The following SMARCC2 variants were observed in gnomAD, a reference collection of about 807,000 sequenced individuals.
The protein encoded by SMARCC2 is SWI/SNF related BAF chromatin remodeling complex subunit C2, also known as SWI/SNF complex subunit SMARCC2.
In SMARCC2, 15 loss-of-function variants were observed where a neutral mutation model predicts 151.3. The ratio of observed to expected loss-of-function variants is 0.10; its 90% CI spans 0.07 to 0.15. SMARCC2 has a LOEUF of 0.15. Ranked by LOEUF, SMARCC2 falls within the 10% of genes least tolerant of loss-of-function variation. SMARCC2 has a pLI of 1.00. For missense variants in SMARCC2, 1,031 were observed against 1,599.7 expected (o/e 0.64, Z 6.06); for synonymous variants, 590 against 609.5 (o/e 0.97, Z 0.47).
At position 56,169,630 on chromosome 12, in the gene SMARCC2, A is replaced by C. The variant is rs375388491; in HGVS notation, c.2614T>G (p.Ser872Ala). Residue 872 changes from serine to alanine, a missense_variant, in exon 25 of 29, where the codon TCT (serine) becomes GCT (alanine). This residue lies in a region of SMARCC2 where 119 missense variants were observed against 184.2 expected (regional missense o/e 0.65). Transcript: ENST00000550164. ...ACCTTTGTCTTCCTTTCCCCCTCAGACTCCACCACTTCCTTCAGCACTTCC... is the reference window on the plus strand; with the variant it reads ...ACCTTTGTCTTCCTTTCCCCCTCAGCCTCCACCACTTCCTTCAGCACTTCC... The part of the protein sequence containing the change: ...QEEVLKEVVE[S>A]EGERKTKVER... The C allele has an allele frequency of 1.9e-6, 3 of 1,613,414 alleles. No homozygotes were observed. Among genetic ancestry groups the C allele is most frequent in the Non-Finnish European group, 2.5e-6 (3 of 1,179,756 alleles).
chr12:56,169,139 C>A (rs1322141132), intron 25 of SMARCC2, among the ~76,000 whole-genome samples: 3 of 151,510 alleles, frequency 2.0e-5, no homozygotes, highest in Admixed American at 1.3e-4. Flanking sequence ...ACTAAAAATA[C>A]AAAGAGTTAG....
intron 11 of SMARCC2, 41 bp from the exon 12 acceptor site, chr12:56,179,097 T>C (rs1875614674): frequency 3.8e-6 from 6 of 1,574,758 alleles, no homozygotes; most frequent in Non-Finnish European, 5.2e-6. Context: ...AGATTTTGCC[T>C]AATTCAAGCC....
rs754104892 is a variant in SMARCC2, at chr12:56,186,112, T to C, written c.317+43A>G. ...TCCCAGGGAATCAAAAAGGGGGATTTCCTCTAAACTAAATATAAGAAGAAT... is the reference window on the plus strand; with the variant it reads ...TCCCAGGGAATCAAAAAGGGGGATTCCCTCTAAACTAAATATAAGAAGAAT... On this transcript the variant is annotated intron_variant, in intron 3 of 28. Coordinates refer to ENST00000550164, the MANE Select transcript of SMARCC2 (RefSeq NM_001330288.2). 5 of 1,320,244 alleles carry C rather than the reference T, an allele frequency of 3.8e-6. No individual in the cohort carries two copies. The Admixed American group carries it at 5.3e-5, about 14-fold the overall frequency. The allele number at this position is 1,320,244 out of a possible 1,614,324, so 81.8% of individuals were successfully genotyped here.
rs1423345087 is a variant in SMARCC2, at chr12:56,170,333, G to C, written c.2348-125C>G. The stretch of plus-strand genomic sequence containing the variant: ...TGCCCAGGTTGGTCTCAAACTCCTG[G>C]GCCCACGCAATCCTCCCACCTCAGC... On this transcript the variant is annotated intron_variant, in intron 22 of 28. Transcript: ENST00000550164. 6 of 790,914 alleles carry C rather than the reference G, an allele frequency of 7.6e-6. No homozygotes were observed. The East Asian group carries it at 1.6e-4, about 21-fold the overall frequency. 49.0% of individuals were successfully genotyped at this position (790,914 alleles called of 1,614,324 possible).
chr12:56,163,783 A>G lies in SMARCC2; in HGVS notation c.3662-18T>C, dbSNP rs773065460. 6.7e-7 allele frequency: 1 copy of G among 1,499,096 alleles called. No individual in the cohort carries two copies. Among genetic ancestry groups the G allele is most frequent in the East Asian group, 2.7e-5 (1 of 37,402 alleles). 92.9% of individuals were successfully genotyped at this position (1,499,096 alleles called of 1,614,324 possible). A position where few individuals can be genotyped will look rare whatever the true frequency, so the allele number is the denominator to read the frequency against. On this transcript the variant is annotated intron_variant, in intron 28 of 28. Transcript: ENST00000550164. Reference sequence around the variant, plus strand: ...GCCTGGGTCTGTGGAGAAAAGGAAGATAAATCAGTTAGAGTACGCCGGAGA... The same window carrying G: ...GCCTGGGTCTGTGGAGAAAAGGAAGGTAAATCAGTTAGAGTACGCCGGAGA...
rs948206562 is a variant in SMARCC2 at position 56,165,450 on chromosome 12, G to A, written c.3100C>T (p.Pro1034Ser). 1 of 1,536,076 alleles carries A rather than the reference G, an allele frequency of 6.5e-7. No individual in the cohort carries two copies. The highest frequency in any genetic ancestry group is 8.8e-7 in the Non-Finnish European group (1 of 1,142,306). Reference protein sequence around the residue: ...VVPAPAGSGAPPGSLGPSEQI... With the variant: ...VVPAPAGSGASPGSLGPSEQI... Reference sequence around the variant, plus strand: ...TCAGAAGGGCCCAAACTTCCTGGAGGGGCCCCACTGCCAGCAGGAGCAGGG... The same window carrying A: ...TCAGAAGGGCCCAAACTTCCTGGAGAGGCCCCACTGCCAGCAGGAGCAGGG... The change falls in exon 27 of 29, where the codon CCT becomes TCT. Residue 1034 changes from proline (P) to serine (S), a missense_variant. By Grantham distance (74) the Pro-to-Ser change is moderately conservative. Coordinates refer to ENST00000550164, the MANE Select transcript of SMARCC2 (RefSeq NM_001330288.2).
chr12:56,177,971 G>A, intron 15 of SMARCC2, 51 bp downstream of exon 15: 1 of 1,220,270 alleles, frequency 8.2e-7, no homozygotes, highest in Non-Finnish European at 1.2e-6. Flanking sequence ...CAGGAAGGGT[G>A]AATGTGGGGA....
chr12:56,182,496 T>C (rs565584723), intron 7 of SMARCC2, among the ~76,000 whole-genome samples: 2 of 151,914 alleles, frequency 1.3e-5, no homozygotes, highest in East Asian at 3.9e-4. Context: ...GGCTAATTTT[T>C]ATATTTTTAG....
intron 1 of SMARCC2, among the ~76,000 whole-genome samples, chr12:56,187,682 G>A (rs1034384522): frequency 1.7e-4 from 26 of 152,168 alleles, no homozygotes; most frequent in African/African-American, 5.8e-4. Context: ...AATACCTCTG[G>A]GGCTCTAAGA....
intron 5 of SMARCC2, 39 bp from the exon 6 acceptor site, chr12:56,184,283 C>T: frequency 6.9e-7 from 1 of 1,449,516 alleles, no homozygotes; most frequent in Non-Finnish European, 9.6e-7. Context: ...TTATGGTCCC[C>T]TCTGAATTAC....
intron 27 of SMARCC2, among the ~76,000 whole-genome samples, 169 bp downstream of exon 27, chr12:56,165,149 G>C (rs948945834): frequency 6.6e-6 from 1 of 152,208 alleles, no homozygotes; most frequent in Non-Finnish European, 1.5e-5. Context: ...CAAAGCTCTC[G>C]AGTTTGGGGA....
chr12:56,179,679 C>T (rs1875736000), intron 11 of SMARCC2, among the ~76,000 whole-genome samples: 1 of 152,214 alleles, frequency 6.6e-6, no homozygotes, highest in Non-Finnish European at 1.5e-5. Context: ...CAGAACTTCT[C>T]TTCATGTTTT....
At chr12:56,173,523 G>A (rs1009747431) in intron 17 of SMARCC2, among the ~76,000 whole-genome samples, 173 bp downstream of exon 17, 1 of 152,116 alleles carries the variant, frequency 6.6e-6, no homozygotes, top group Non-Finnish European at 1.5e-5. Context: ...AGGTACAAAG[G>A]CTGAGAGAGG....
intron 3 of SMARCC2, 64 bp from the exon 4 acceptor site, chr12:56,185,175 G>T: frequency 7.3e-7 from 1 of 1,363,238 alleles, no homozygotes; most frequent in Non-Finnish European, 1.0e-6. Context: ...GTGAGGGCAC[G>T]TGACTTTTTT....
At position 56,163,667 on chromosome 12, in the gene SMARCC2, G is replaced by A. The variant is rs542415980; in HGVS notation, c.*22C>T. The A allele has an allele frequency of 2.8e-6, 4 of 1,438,930 alleles. 1 individual carries two copies. The highest frequency in any genetic ancestry group is 3.0e-5 in the African/African-American group (2 of 67,020). 89.1% of individuals were successfully genotyped at this position (1,438,930 alleles called of 1,614,324 possible). On this transcript the variant is annotated 3_prime_UTR_variant, in exon 29 of 29. Transcript: ENST00000550164. ...CCGTGATGTCCACAGGGGGTGAGGG[G>A]GAGAGATGTCTGGCTGGCTCCTCAC...
rs1349743676 is a variant in SMARCC2 at position 56,169,650 on chromosome 12, ACTTCCTCCTGCC to A, written c.2582_2593del (p.Gly861_Glu864del). 1 of 1,614,056 alleles carries A rather than the reference ACTTCCTCCTGCC, an allele frequency of 6.2e-7. No homozygotes were observed. The highest frequency in any genetic ancestry group is 1.1e-5 in the South Asian group (1 of 91,074). ...CTCAGACTCCACCACTTCCTTCAGC[ACTTCCTCCTGCC>A]CTTCCTTTGGCTCCTTCTCCTTCTC... On this transcript the variant is annotated inframe_deletion, in exon 25 of 29. Transcript: ENST00000550164.
Position 56,180,973 on chromosome 12 carries a change from G to A in SMARCC2, c.1081+4C>T, listed in dbSNP as rs2135731162. On this transcript the variant is annotated splice_donor_region_variant and intron_variant, in intron 11 of 28. Transcript: ENST00000550164. ...GGATCCCAGGAGCTCAGCCTGGCCT[G>A]TACCTGTTTTGGGAAGTGTCACCTC... 7 of 1,611,856 alleles carry A rather than the reference G, an allele frequency of 4.3e-6. No homozygotes were observed. Among genetic ancestry groups the A allele is most frequent in the African/African-American group, 1.3e-5 (1 of 74,968 alleles).
rs1313517927 is a variant in SMARCC2 at position 56,173,706 on chromosome 12, T to C, written c.1640A>G (p.Lys547Arg). ...TPSGLVPLQP[K>R]TPQGRQVDAD... Reference sequence around the variant, plus strand: ...AGCACCTCACCCTACCTGAGGTGTCTTGGGCTGCAGAGGCACCAGCCCTGA... The same window carrying C: ...AGCACCTCACCCTACCTGAGGTGTCCTGGGCTGCAGAGGCACCAGCCCTGA... The change falls in exon 17 of 29, where the codon AAG (lysine) becomes AGG (arginine). Residue 547 changes from lysine to arginine, a missense_variant. Around this residue, in one of 12 missense-constraint regions of SMARCC2, gnomAD observed 99 missense variants for 148.3 expected, o/e 0.67. Coordinates refer to ENST00000550164, the MANE Select transcript of SMARCC2 (RefSeq NM_001330288.2). The C allele has an allele frequency of 3.1e-6, 5 of 1,613,250 alleles. No individual in the cohort carries two copies. The highest frequency in any genetic ancestry group is 4.2e-6 in the Non-Finnish European group (5 of 1,179,456).
chr12:56,180,841 A>G lies in SMARCC2; in HGVS notation c.1081+136T>C, dbSNP rs75859731. The G allele has an allele frequency of 3.5e-3, 3,152 of 897,726 alleles. 55 individuals are homozygous for G. Among genetic ancestry groups the G allele is most frequent in the East Asian group, 0.022 (894 of 41,010 alleles). 55.6% of individuals were successfully genotyped at this position (897,726 alleles called of 1,614,324 possible). On this transcript the variant is annotated intron_variant, in intron 11 of 28. Coordinates refer to ENST00000550164, the MANE Select transcript of SMARCC2 (RefSeq NM_001330288.2). ...TTTCCAGGGTAATGACCGTAATTCC[A>G]ATAACCAGCTAAATTTAAGGAAAAG...
Sources: gnomAD v4.1 joint callset for allele counts (sites outside exome capture counted in the v4.1 genomes callset) on GRCh38, gnomAD v4.1.1 for gene constraint, gnomAD v4.1.1 regional missense constraint, MANE v1.5 for transcripts, NCBI Gene and HGNC (gene_info 2026-07-23, HGNC 2026-07-21) for gene names.